MSR1: variants seen among roughly 807,000 people sequenced by gnomAD.
The protein encoded by MSR1 is macrophage scavenger receptor 1.
A neutral mutation model predicts 47.2 loss-of-function variants in MSR1; 53 were observed. That is an observed-to-expected ratio of 1.12 (90% CI 0.90 to 1.41). The LOEUF (loss-of-function observed/expected upper bound fraction) is 1.41. Among genes scored for constraint, MSR1 ranks in the 40% most tolerant of loss-of-function variants. The pLI is 0.00. For synonymous variants in MSR1, 239 were observed against 185.6 expected (o/e 1.29, Z -2.34); for missense variants, 786 against 546.9 (o/e 1.44, Z -4.36).
chr8:16,188,685 C>G (rs889087431), intron 1 of MSR1, among the ~76,000 whole-genome samples: 1 of 151,806 alleles, frequency 6.6e-6, no homozygotes, highest in Non-Finnish European at 1.5e-5. Context: ...TGACAGGCCC[C>G]GGTGTGTGAT....
intron 5 of MSR1, among the ~76,000 whole-genome samples, chr8:16,157,407 T>G (rs1801041527): frequency 1.3e-5 from 2 of 152,030 alleles, no homozygotes; most frequent in South Asian, 4.1e-4. Flanking sequence ...CTCTGTATTT[T>G]TATATAAAAA....
chr8:16,192,153 T>C (rs986077854), intron 1 of MSR1, among the ~76,000 whole-genome samples: 1 of 152,136 alleles, frequency 6.6e-6, no homozygotes, highest in Non-Finnish European at 1.5e-5. Flanking sequence ...CAGCCAATAT[T>C]TGCTATATAA....
At chr8:16,148,240 T>C (rs1472867049) in intron 7 of MSR1, among the ~76,000 whole-genome samples, 1 of 152,148 alleles carries the variant, frequency 6.6e-6, no homozygotes, top group Non-Finnish European at 1.5e-5. Context: ...ATGCATTTTT[T>C]TTCTGTATCC....
chr8:16,119,460 A>C (rs1799947743), intron 9 of MSR1, among the ~76,000 whole-genome samples: 1 of 152,050 alleles, frequency 6.6e-6, no homozygotes, highest in Non-Finnish European at 1.5e-5. Flanking sequence ...TCCTGACCTC[A>C]AGTGATCCAC....
chr8:16,162,304 C>G (rs1047792229), intron 5 of MSR1, among the ~76,000 whole-genome samples: 1 of 151,878 alleles, frequency 6.6e-6, no homozygotes, highest in Non-Finnish European at 1.5e-5. Context: ...TATAGTAAAA[C>G]AATTTCAAAG....
rs1397170470 is a variant in MSR1, at chr8:16,175,268, G to C, written c.136C>G (p.Leu46Val). The C allele has an allele frequency of 6.2e-7, 1 of 1,614,088 alleles. No individual in the cohort carries two copies. The highest frequency in any genetic ancestry group is 1.3e-5 in the African/African-American group (1 of 75,050). ...PKNSPSLQEK[L>V]KSFKAALIAL... The stretch of plus-strand genomic sequence containing the variant: ...ATCAGTGCAGCTTTGAAGGACTTCA[G>C]TTTCTCTTGAAGGGAAGGGCTGTTT... The change falls in exon 3 of 10, where the codon CTG becomes GTG. Residue 46 changes from leucine to valine, a missense_variant. Transcript: ENST00000262101.
At chr8:16,136,485 T>C (rs1396303444) in intron 8 of MSR1, among the ~76,000 whole-genome samples, 4 of 151,764 alleles carry the variant, frequency 2.6e-5, no homozygotes, top group Non-Finnish European at 1.5e-5. Context: ...TTGTCTGGCA[T>C]GTTTCATTGT....
At chr8:16,174,366 G>C (rs529522292) in intron 3 of MSR1, among the ~76,000 whole-genome samples, 1 of 152,226 alleles carries the variant, frequency 6.6e-6, no homozygotes, top group South Asian at 2.1e-4. Context: ...GAGAAGAGGA[G>C]AGCTATAAGG....
At chr8:16,186,795 C>T (rs749687701) in intron 1 of MSR1, among the ~76,000 whole-genome samples, 1 of 115,654 alleles carries the variant, frequency 8.6e-6, no homozygotes, top group Non-Finnish European at 1.7e-5. Context: ...CCATGCCCAT[C>T]TAGAGATGCA....
chr8:16,163,929 C>T, intron 5 of MSR1, 136 bp downstream of exon 5: 5 of 665,876 alleles, frequency 7.5e-6, no homozygotes, highest in Middle Eastern at 4.4e-4. Flanking sequence ...ATATTCTTTC[C>T]TTTGGGTATT....
At chr8:16,120,034 C>T (rs556822005) in intron 9 of MSR1, among the ~76,000 whole-genome samples, 1 of 152,058 alleles carries the variant, frequency 6.6e-6, no homozygotes, top group East Asian at 1.9e-4. Context: ...GTTCCTGTCA[C>T]TACTTTATTC....
At position 16,108,567 on chromosome 8, in the gene MSR1, A is replaced by T. The variant is rs1799686083; in HGVS notation, c.*1518T>A. 6.6e-6 allele frequency: 1 copy of T among 152,178 alleles called. No homozygotes were observed. The highest frequency in any genetic ancestry group is 2.4e-5 in the African/African-American group (1 of 41,448). The allele number at this position is 152,178 out of a possible 1,614,324, so 9.4% of individuals were successfully genotyped here. The stretch of plus-strand genomic sequence containing the variant: ...CTAGATAGTGGAACTGAACACAAAG[A>T]ATTATTAACTAGCTGAAATTACAGC... On this transcript the variant is annotated 3_prime_UTR_variant, in exon 10 of 10. Transcript: ENST00000262101.
rs1166096429 is a variant in MSR1 at position 16,192,591 on chromosome 8, T to G, written c.-5+7A>C. 2 of 152,114 alleles carry G rather than the reference T, an allele frequency of 1.3e-5. No individual in the cohort carries two copies. The highest frequency in any genetic ancestry group is 4.8e-5 in the African/African-American group (2 of 41,432). 9.4% of individuals were successfully genotyped at this position (152,114 alleles called of 1,614,324 possible). A position where few individuals can be genotyped will look rare whatever the true frequency, so the allele number is the denominator to read the frequency against. The stretch of plus-strand genomic sequence containing the variant: ...AAACATTAAAATAAGCCTTTTTTTT[T>G]CTTTACCTTTCGTCCTAAAGAAAGC... On this transcript the variant is annotated splice_region_variant and intron_variant, in intron 1 of 9. Coordinates refer to ENST00000262101, the MANE Select transcript of MSR1 (RefSeq NM_138715.3).
chr8:16,114,013 C>T (rs1799821280), intron 9 of MSR1, among the ~76,000 whole-genome samples: 1 of 151,958 alleles, frequency 6.6e-6, no homozygotes, highest in Non-Finnish European at 1.5e-5. Context: ...TGTGATTACC[C>T]AGCTGTATGG....
intron 3 of MSR1, among the ~76,000 whole-genome samples, chr8:16,169,195 G>A (rs1466286593): frequency 6.6e-6 from 1 of 152,100 alleles, no homozygotes; most frequent in Non-Finnish European, 1.5e-5. Context: ...GATTATGAAA[G>A]GCTATGTGTC....
intron 5 of MSR1, among the ~76,000 whole-genome samples, chr8:16,159,520 G>A (rs1043501120): frequency 1.3e-5 from 2 of 151,966 alleles, no homozygotes; most frequent in African/African-American, 4.8e-5. Flanking sequence ...AGGGAAAAGA[G>A]AACACAAAGT....
chr8:16,141,971 A>G (rs1013132186), intron 8 of MSR1, among the ~76,000 whole-genome samples: 1 of 152,198 alleles, frequency 6.6e-6, no homozygotes, highest in Non-Finnish European at 1.5e-5. Flanking sequence ...GAACTTTTTA[A>G]GAGGAACTCA....
rs992761218 is a variant in MSR1 at position 16,108,650 on chromosome 8, G to A, written c.*1435C>T. 8.5e-5 allele frequency: 13 copies of A among 152,080 alleles called. No individual in the cohort carries two copies. In the East Asian group the frequency reaches 2.5e-3, roughly 29 times the overall value. 9.4% of individuals were successfully genotyped at this position (152,080 alleles called of 1,614,324 possible). ...TTCATTCTCTTAACCACAAAATTATGCTGCCAGAGAAAATCAGCAATGTTA... is the reference window on the plus strand; with the variant it reads ...TTCATTCTCTTAACCACAAAATTATACTGCCAGAGAAAATCAGCAATGTTA... On this transcript the variant is annotated 3_prime_UTR_variant, in exon 10 of 10. Transcript: ENST00000262101.
At chr8:16,182,535 G>A (rs1276597534) in intron 1 of MSR1, among the ~76,000 whole-genome samples, 1 of 151,224 alleles carries the variant, frequency 6.6e-6, no homozygotes, top group Non-Finnish European at 1.5e-5. Flanking sequence ...TTTCTAAACA[G>A]CTTTATCCTA....
Sources: allele counts gnomAD v4.1 joint callset (sites outside exome capture counted in the v4.1 genomes callset), GRCh38; gene constraint gnomAD v4.1.1; transcripts MANE v1.5; gene names NCBI Gene and HGNC (gene_info 2026-07-23, HGNC 2026-07-21).